FBXO32: variants seen among roughly 807,000 people sequenced by gnomAD.
FBXO32 encodes the protein F-box only protein 32.
FBXO32 carries 15 observed loss-of-function variants against 48.3 expected under a neutral mutation model. That is an observed-to-expected ratio of 0.31 (90% CI 0.21 to 0.48). The LOEUF (loss-of-function observed/expected upper bound fraction) is 0.48, where lower values mean the gene tolerates loss of function less well. Among genes scored for constraint, FBXO32 ranks in the 20% least tolerant of loss-of-function variants. The pLI, the probability that FBXO32 is intolerant of heterozygous loss-of-function variation, is 0.99. For missense variants in FBXO32, 309 were observed against 432.7 expected, an observed-to-expected ratio of 0.71 and a Z score of 2.54; for synonymous variants, 154 against 165.9, an observed-to-expected ratio of 0.93 and a Z score of 0.55.
chr8:123,541,167 C>A lies in FBXO32; in HGVS notation c.-153G>T, dbSNP rs1250210781. The A allele has an allele frequency of 1.0e-5, 4 of 394,508 alleles. No homozygotes were observed. The highest frequency in any genetic ancestry group is 8.9e-5 in the South Asian group (1 of 11,178). 24.4% of individuals were successfully genotyped at this position (394,508 alleles called of 1,614,324 possible). A position where few individuals can be genotyped will look rare whatever the true frequency, so the allele number is the denominator to read the frequency against. Reference sequence around the variant, plus strand: ...GCGGGGCACCCTGCGGGGTGGCGGGCGCGGAGAGGATCTCAAGCGTTGCAG... The same window carrying A: ...GCGGGGCACCCTGCGGGGTGGCGGGAGCGGAGAGGATCTCAAGCGTTGCAG... On this transcript the variant is annotated 5_prime_UTR_variant, in exon 1 of 9. Transcript: ENST00000517956.
At chr8:123,527,412 A>G (rs1365891416) in intron 4 of FBXO32, among the ~76,000 whole-genome samples, 1 of 152,152 alleles carries the variant, frequency 6.6e-6, no homozygotes, top group East Asian at 1.9e-4. Context: ...TTTTTATCTT[A>G]ATTCCATCTT....
chr8:123,532,278 T>A, intron 3 of FBXO32: 2 of 898,220 alleles, frequency 2.2e-6, no homozygotes, highest in Non-Finnish European at 1.4e-6. Flanking sequence ...CATATTAGTC[T>A]GGAAAAATCA....
chr8:123,528,574 C>T (rs1278209420), intron 4 of FBXO32, among the ~76,000 whole-genome samples: 1 of 152,122 alleles, frequency 6.6e-6, no homozygotes, highest in African/African-American at 2.4e-5. Flanking sequence ...GGGAGCAGGG[C>T]CAATGCATGT....
intron 4 of FBXO32, among the ~76,000 whole-genome samples, chr8:123,524,756 G>A (rs1024396644): frequency 1.1e-4 from 17 of 152,298 alleles, no homozygotes; most frequent in Admixed American, 2.6e-4. Flanking sequence ...GACCTCAGGC[G>A]ATCCGCCTGC....
At chr8:123,521,457 G>A (rs114026201) in intron 4 of FBXO32, among the ~76,000 whole-genome samples, 1 of 152,218 alleles carries the variant, frequency 6.6e-6, no homozygotes, top group Non-Finnish European at 1.5e-5. Context: ...TGCCCCAGGA[G>A]TGGCATGGGC....
At chr8:123,507,288 G>A (rs1008645505) in intron 6 of FBXO32, among the ~76,000 whole-genome samples, 29 of 152,178 alleles carry the variant, frequency 1.9e-4, no homozygotes, top group Admixed American at 1.3e-4. Context: ...GCTCTATGAA[G>A]GAAGGAATTT....
At position 123,506,182 on chromosome 8, in the gene FBXO32, T is replaced by G. The variant is rs1816614010; in HGVS notation, c.834+210A>C. Among the ~76,000 whole-genome samples the G allele has an allele frequency of 2.6e-5, 4 of 151,998 alleles. No homozygotes were observed. The highest frequency in any genetic ancestry group is 9.7e-5 in the African/African-American group (4 of 41,378). The stretch of plus-strand genomic sequence containing the variant: ...TGGCTGAGGTTACAGTGAGCTATGA[T>G]TGCATCACTGCACTCCAGCCTGGGC... On this transcript the variant is annotated intron_variant, in intron 7 of 8. Transcript: ENST00000517956. The surrounding 1 kb of genome is among the most constrained non-coding windows in gnomAD (Gnocchi z 4.0).
At position 123,513,209 on chromosome 8, in the gene FBXO32, G is replaced by C; in HGVS notation, c.640C>G (p.Gln214Glu). The C allele has an allele frequency of 6.2e-7, 1 of 1,614,036 alleles. No individual in the cohort carries two copies. The highest frequency in any genetic ancestry group is 1.7e-5 in the Admixed American group (1 of 60,022). Residue 214 changes from glutamine (Q) to glutamate (E), a missense_variant, in exon 6 of 9, where the codon CAG becomes GAG. Gln to Glu is a conservative substitution (Grantham distance 29). Coordinates refer to ENST00000517956, the MANE Select transcript of FBXO32 (RefSeq NM_058229.4). This position sits in a 1 kb window ranked among gnomAD's most constrained non-coding sequence, Gnocchi z 4.3. ...LHWQQQLNNI[Q>E]ITRPAFKGLT... ...GCCTGCCCGCTTACCCTGGTGATCT[G>C]AATGTTGTTCAGCTGCTGCTGCCAG... is the stretch of plus-strand genomic sequence containing the variant.
intron 6 of FBXO32, among the ~76,000 whole-genome samples, chr8:123,511,680 T>C (rs1385111324): frequency 6.6e-6 from 1 of 152,092 alleles, no homozygotes; most frequent in East Asian, 1.9e-4. Flanking sequence ...TTCACAATGT[T>C]GGTCAGGCTG....
At chr8:123,516,764 A>G (rs7834179) in intron 4 of FBXO32, among the ~76,000 whole-genome samples, 15,793 of 151,912 alleles carry the variant, frequency 0.1, 926 homozygotes, top group African/African-American at 0.12. Context: ...ACATGCAGGG[A>G]GAGATGAGGC....
intron 4 of FBXO32, among the ~76,000 whole-genome samples, chr8:123,517,500 A>G (rs1212363415): frequency 1.3e-5 from 2 of 148,346 alleles, no homozygotes; most frequent in African/African-American, 5.0e-5. Flanking sequence ...TTTAACTGTC[A>G]GACAGCTGTG....
At chr8:123,529,099 T>C (rs924922105) in intron 4 of FBXO32, among the ~76,000 whole-genome samples, 1 of 152,220 alleles carries the variant, frequency 6.6e-6, no homozygotes, top group Non-Finnish European at 1.5e-5. Context: ...TTCCTCAAAT[T>C]ACAGAGGTCT....
intron 4 of FBXO32, among the ~76,000 whole-genome samples, chr8:123,528,800 A>G (rs1817141614): frequency 6.6e-6 from 1 of 152,230 alleles, no homozygotes; most frequent in Non-Finnish European, 1.5e-5. Flanking sequence ...AGATTTTCAG[A>G]AAATGTATTT....
intron 4 of FBXO32, among the ~76,000 whole-genome samples, chr8:123,515,490 C>G (rs1047020983): frequency 6.6e-6 from 1 of 150,816 alleles, no homozygotes; most frequent in African/African-American, 2.4e-5. Context: ...CTCAGGTGAT[C>G]CACCTGCCTT....
rs181757473 is a variant in FBXO32, at chr8:123,513,775, A to T, written c.467-393T>A. On this transcript the variant is annotated intron_variant, in intron 5 of 8. Transcript: ENST00000517956. This position sits in a 1 kb window ranked among gnomAD's most constrained non-coding sequence, Gnocchi z 4.3. ...CCTGGGTTCTAATCCTGTCTGGCTGACTCTCTGTGTGATTATGGACAAATC... is the reference window on the plus strand; with the variant it reads ...CCTGGGTTCTAATCCTGTCTGGCTGTCTCTCTGTGTGATTATGGACAAATC... Among the ~76,000 whole-genome samples the T allele has an allele frequency of 2.8e-3, 424 of 151,888 alleles. 3 individuals carry two copies. The highest frequency in any genetic ancestry group is 3.9e-3 in the Non-Finnish European group (266 of 67,928).
At chr8:123,535,591 GCAGGCTCATCTCGGGC>G (rs1415301573) in intron 1 of FBXO32, among the ~76,000 whole-genome samples, 11 of 152,204 alleles carry the variant, frequency 7.2e-5, no homozygotes, top group African/African-American at 2.7e-4. Flanking sequence ...TGAAGGATGG[GCAGGCTCATCTCGGGC>G]CAGACGCTTA....
In FBXO32 at chr8:123,501,840, G is replaced by T. The variant is rs1394225663; in HGVS notation, c.*1533C>A. 1 of 149,480 alleles carries T rather than the reference G, an allele frequency of 6.7e-6. No individual in the cohort carries two copies. The highest frequency in any genetic ancestry group is 1.9e-4 in the East Asian group (1 of 5,170). 9.3% of individuals were successfully genotyped at this position (149,480 alleles called of 1,614,324 possible). On this transcript the variant is annotated 3_prime_UTR_variant, in exon 9 of 9. Coordinates refer to ENST00000517956, the MANE Select transcript of FBXO32 (RefSeq NM_058229.4). ...GGCATGCAGGGTGACAAGTTTATTT[G>T]GAAAAAAAAAAAGCATATACAACTG...
At chr8:123,532,109 A>T (rs1392299396) in intron 3 of FBXO32, 119 bp from the exon 4 acceptor site, 36 of 1,490,286 alleles carry the variant, frequency 2.4e-5, no homozygotes, top group Non-Finnish European at 2.8e-5. Context: ...TGCCTGTCTT[A>T]GGTGACCTGG....
chr8:123,517,136 C>T (rs534396304), intron 4 of FBXO32, among the ~76,000 whole-genome samples: 1 of 152,264 alleles, frequency 6.6e-6, no homozygotes, highest in African/African-American at 2.4e-5. Context: ...GAAGGGCAGT[C>T]AGCTGTGCAC....
Sources: allele counts gnomAD v4.1 joint callset (sites outside exome capture counted in the v4.1 genomes callset), GRCh38; gene constraint gnomAD v4.1.1; non-coding constraint Gnocchi (gnomAD v3.1); transcripts MANE v1.5; gene names NCBI Gene and HGNC (gene_info 2026-07-23, HGNC 2026-07-21).